CFAP95: variants seen among roughly 807,000 people sequenced by gnomAD.
CFAP95 encodes cilia and flagella associated protein 95, also known as cilia- and flagella-associated protein 95.
the CFAP95 span, among the ~76,000 whole-genome samples, chr9:69,889,169 G>A: frequency 1.3e-5 from 2 of 152,106 alleles, no homozygotes; most frequent in Admixed American, 6.6e-5. Flanking sequence ...TTTCTGAACT[G>A]ATACCCTCGT....
chr9:69,830,236 A>T, the CFAP95 span, among the ~76,000 whole-genome samples: 1 of 152,178 alleles, frequency 6.6e-6, no homozygotes, highest in Non-Finnish European at 1.5e-5. Context: ...ATTCCAGGCC[A>T]TATGTCTTTC....
At chr9:69,851,949 T>C in the CFAP95 span, among the ~76,000 whole-genome samples, 1 of 151,340 alleles carries the variant, frequency 6.6e-6, no homozygotes, top group Non-Finnish European at 1.5e-5. Flanking sequence ...TGGAAAACAA[T>C]AAAATTATTT....
At chr9:69,869,409 A>G in the CFAP95 span, among the ~76,000 whole-genome samples, 3 of 152,316 alleles carry the variant, frequency 2.0e-5, no homozygotes, top group East Asian at 3.9e-4. Context: ...CATTGAATTT[A>G]TAGAAGCTGA....
At chr9:69,860,052 A>C in the CFAP95 span, among the ~76,000 whole-genome samples, 1 of 152,344 alleles carries the variant, frequency 6.6e-6, no homozygotes, top group Admixed American at 6.5e-5. Flanking sequence ...ATGAATGTGA[A>C]GGCCTAGGAC....
At chr9:69,848,559 A>G in the CFAP95 span, among the ~76,000 whole-genome samples, 1 of 152,324 alleles carries the variant, frequency 6.6e-6, no homozygotes, top group African/African-American at 2.4e-5. Flanking sequence ...AGGGGAAACC[A>G]AAGCAAGATT....
chr9:69,857,893 T>C, the CFAP95 span: 6 of 1,611,004 alleles, frequency 3.7e-6, no homozygotes, highest in Non-Finnish European at 5.1e-6. Flanking sequence ...TCTAAAAAAA[T>C]GTTATCTTGT....
the CFAP95 span, among the ~76,000 whole-genome samples, chr9:69,891,653 A>G: frequency 1.3e-5 from 2 of 152,188 alleles, no homozygotes; most frequent in Non-Finnish European, 2.9e-5. Context: ...TATACCTCTG[A>G]ACTTAAAATA....
chr9:69,861,486 T>A, the CFAP95 span, among the ~76,000 whole-genome samples: 2 of 152,050 alleles, frequency 1.3e-5, no homozygotes, highest in Admixed American at 6.5e-5. Flanking sequence ...GATTAAGGAC[T>A]CTCTTACCCT....
At chr9:69,830,589 A>C in the CFAP95 span, among the ~76,000 whole-genome samples, 1 of 152,226 alleles carries the variant, frequency 6.6e-6, no homozygotes, top group Non-Finnish European at 1.5e-5. Context: ...TCTTGTGTAG[A>C]GATTAGATGA....
the CFAP95 span, among the ~76,000 whole-genome samples, chr9:69,846,653 T>G: frequency 6.6e-6 from 1 of 152,086 alleles, no homozygotes; most frequent in Admixed American, 6.6e-5. Context: ...AGGTCCCAAG[T>G]GTAAAGAAAA....
chr9:69,858,376 C>T, the CFAP95 span, among the ~76,000 whole-genome samples: 7 of 152,326 alleles, frequency 4.6e-5, no homozygotes, highest in East Asian at 1.3e-3. Context: ...GTTCAGCTCT[C>T]ATTCCATAAA....
the CFAP95 span, among the ~76,000 whole-genome samples, chr9:69,843,871 G>T: frequency 1.3e-5 from 2 of 151,562 alleles, no homozygotes. Context: ...GAAGCTTCTA[G>T]GCTCAAGGGA....
At chr9:69,856,448 A>T in the CFAP95 span, 1 of 584,306 alleles carries the variant, frequency 1.7e-6, no homozygotes, top group Non-Finnish European at 3.0e-6. Context: ...AATGTCAACT[A>T]GAGTCAACAA....
the CFAP95 span, among the ~76,000 whole-genome samples, chr9:69,877,811 T>C: frequency 1.3e-5 from 2 of 152,242 alleles, no homozygotes. Flanking sequence ...TACTGCATTT[T>C]CTAGGCTCTC....
At chr9:69,845,511 C>T in the CFAP95 span, among the ~76,000 whole-genome samples, 851 of 152,288 alleles carry the variant, frequency 5.6e-3, 7 homozygotes, top group African/African-American at 0.019. Context: ...TGTAAAAAGA[C>T]GCATAATTCC....
the CFAP95 span, among the ~76,000 whole-genome samples, chr9:69,878,330 T>G: frequency 0.01 from 1,543 of 152,306 alleles, 27 homozygotes; most frequent in African/African-American, 0.035. Context: ...GGTCTTAGAC[T>G]TGTTCTTACG....
chr9:69,829,604 C>T, the CFAP95 span, among the ~76,000 whole-genome samples: 1 of 152,194 alleles, frequency 6.6e-6, no homozygotes, highest in Admixed American at 6.5e-5. Flanking sequence ...TTAGAGTCCT[C>T]TCCTTGTTGT....
chr9:69,845,461 G>C, the CFAP95 span, among the ~76,000 whole-genome samples: 1 of 152,170 alleles, frequency 6.6e-6, no homozygotes. Flanking sequence ...CGCCCCCCAA[G>C]GCTGGGCTAG....
chr9:69,837,248 T>A, the CFAP95 span, among the ~76,000 whole-genome samples: 1 of 152,212 alleles, frequency 6.6e-6, no homozygotes, highest in Non-Finnish European at 1.5e-5. Flanking sequence ...ATATACCCAG[T>A]AATGGGATGG....
Sources: gnomAD v4.1 joint callset for allele counts (sites outside exome capture counted in the v4.1 genomes callset) on GRCh38, gnomAD v4.1.1 for gene constraint, MANE v1.5 for transcripts, NCBI Gene and HGNC (gene_info 2026-07-23, HGNC 2026-07-21) for gene names.